PLEKHG1: variants seen among roughly 807,000 people sequenced by gnomAD.
PLEKHG1 encodes the protein pleckstrin homology domain-containing family G member 1.
A neutral mutation model predicts 100.8 loss-of-function variants in PLEKHG1; 44 were observed. The observed-to-expected ratio is 0.44, with a 90% CI of 0.34 to 0.56. The LOEUF (loss-of-function observed/expected upper bound fraction) is 0.56. Ranked by LOEUF, PLEKHG1 falls within the 20% of genes least tolerant of loss-of-function variation. The pLI, the probability that PLEKHG1 is intolerant of heterozygous loss-of-function variation, is 0.01. For synonymous variants in PLEKHG1, 640 were observed against 662.5 expected (o/e 0.97, Z 0.52); for missense variants, 1,545 against 1,720.9 (o/e 0.90, Z 1.81).
At chr6:150,696,944 C>T (rs767829820) in intron 3 of PLEKHG1, among the ~76,000 whole-genome samples, 13 of 151,966 alleles carry the variant, frequency 8.6e-5, no homozygotes, top group Non-Finnish European at 1.3e-4. Context: ...CCCATCTCTA[C>T]TAAAAATACA....
intron 1 of PLEKHG1, among the ~76,000 whole-genome samples, chr6:150,617,156 G>A (rs1777107488): frequency 6.6e-6 from 1 of 152,164 alleles, no homozygotes. Context: ...CCTGAGTTTG[G>A]AGGGTTTGTT....
intron 2 of PLEKHG1, among the ~76,000 whole-genome samples, chr6:150,646,965 T>C (rs1778528851): frequency 6.6e-6 from 1 of 152,198 alleles, no homozygotes; most frequent in African/African-American, 2.4e-5. Flanking sequence ...GGTAGCCCCT[T>C]ATATGGATTT....
chr6:150,794,723 A>G (rs886396945), intron 4 of PLEKHG1, among the ~76,000 whole-genome samples: 1 of 151,926 alleles, frequency 6.6e-6, no homozygotes, highest in Non-Finnish European at 1.5e-5. Flanking sequence ...AAGGAAAATG[A>G]TGTCTAGAAT....
At chr6:150,768,660 A>T in exon 3 of PLEKHG1, 4 of 1,611,512 alleles carry the variant, frequency 2.5e-6, no homozygotes, top group Non-Finnish European at 3.4e-6. Context: ...TGCATCAGGG[A>T]CCAAACAAAA....
Position 150,603,815 on chromosome 6 carries a change from G to A in PLEKHG1, c.-204+3798G>A, listed in dbSNP as rs552668422. Among the ~76,000 whole-genome samples, 10 of 152,276 alleles carry A rather than the reference G, an allele frequency of 6.6e-5. No homozygotes were observed. The East Asian group carries it at 9.6e-4, about 15-fold the overall frequency. On this transcript the variant is annotated intron_variant, in intron 1 of 3. Coordinates refer to the PLEKHG1 transcript ENST00000367326. ...TAAATCCTGCTGGATTCGTGGATCC[G>A]CAAATCCATAACTCTCCTCTTCTTT...
intron 2 of PLEKHG1, among the ~76,000 whole-genome samples, chr6:150,742,436 G>A (rs1782917168): frequency 2.0e-5 from 3 of 152,052 alleles, no homozygotes; most frequent in South Asian, 2.1e-4. Flanking sequence ...GTGGTGGTGT[G>A]CACCTGTAAT....
At position 150,831,669 on chromosome 6, in the gene PLEKHG1, C is replaced by T. The variant is rs143702078; in HGVS notation, c.2558C>T (p.Ala853Val). 2.1e-4 allele frequency: 342 copies of T among 1,612,974 alleles called. 2 individuals are homozygous for T. In the African/African-American group the frequency reaches 4.1e-3, roughly 19 times the overall value. Residue 853 changes from alanine (A) to valine (V), a missense_variant, in exon 15 of 16, where the codon GCC (alanine) becomes GTC (valine). Physicochemically the swap from Ala to Val is moderately conservative, Grantham distance 64 (BLOSUM62 0). Transcript: ENST00000358517. This position sits in a 1 kb window ranked among gnomAD's most constrained non-coding sequence, Gnocchi z 4.1. ...TACATCAAGAAAAATGAAGACAAGGCCAGAGACCGTCTCCTGGCAGCGTTT... is the reference window on the plus strand; with the variant it reads ...TACATCAAGAAAAATGAAGACAAGGTCAGAGACCGTCTCCTGGCAGCGTTT...
At chr6:150,830,174 C>T (rs1776836780) in intron 14 of PLEKHG1, among the ~76,000 whole-genome samples, 1 of 152,130 alleles carries the variant, frequency 6.6e-6, no homozygotes, top group African/African-American at 2.4e-5. Context: ...ACCTAGATTT[C>T]CTTACTGTGA....
exon 16 of PLEKHG1, chr6:150,840,980 C>T: frequency 2.0e-6 from 2 of 1,015,792 alleles, no homozygotes; most frequent in Non-Finnish European, 3.1e-6. Context: ...TTATGTATAC[C>T]AGATTAAAAC....
intron 2 of PLEKHG1, among the ~76,000 whole-genome samples, chr6:150,646,329 T>C (rs1778497283): frequency 2.1e-5 from 3 of 142,164 alleles, no homozygotes; most frequent in Admixed American, 6.9e-5. Context: ...TGGCCCTGAT[T>C]GGTCTGGTGT....
At chr6:150,706,212 A>G (rs1214278751) in intron 3 of PLEKHG1, among the ~76,000 whole-genome samples, 1 of 152,210 alleles carries the variant, frequency 6.6e-6, no homozygotes, top group Non-Finnish European at 1.5e-5. Context: ...CAGTACTTCC[A>G]TAAGGGTGGG....
chr6:150,636,673 A>G (rs1315726132), intron 1 of PLEKHG1, among the ~76,000 whole-genome samples: 1 of 152,112 alleles, frequency 6.6e-6, no homozygotes, highest in Non-Finnish European at 1.5e-5. Flanking sequence ...TTGGCTTCAC[A>G]TGTTTGGAGT....
chr6:150,646,161 A>G (rs1399117503), intron 2 of PLEKHG1, among the ~76,000 whole-genome samples: 2 of 152,104 alleles, frequency 1.3e-5, no homozygotes, highest in East Asian at 3.8e-4. Flanking sequence ...GTTCAAAAGC[A>G]CACAAAATTT....
At chr6:150,776,138 A>C (rs1303400703) in intron 3 of PLEKHG1, among the ~76,000 whole-genome samples, 2 of 152,228 alleles carry the variant, frequency 1.3e-5, no homozygotes, top group Admixed American at 6.5e-5. Flanking sequence ...GTTCTGTAAA[A>C]GAGAACAGTG....
chr6:150,629,942 C>A (rs1777679277), intron 1 of PLEKHG1, among the ~76,000 whole-genome samples: 1 of 151,978 alleles, frequency 6.6e-6, no homozygotes, highest in Non-Finnish European at 1.5e-5. Context: ...AAGGTTTCTA[C>A]AATTAGACAA....
intron 2 of PLEKHG1, among the ~76,000 whole-genome samples, chr6:150,646,923 A>G (rs1438235149): frequency 6.6e-6 from 1 of 152,342 alleles, no homozygotes; most frequent in Admixed American, 6.5e-5. Flanking sequence ...CATTATTACA[A>G]TTCGACACTG....
chr6:150,800,945 A>G, intron 6 of PLEKHG1, 76 bp downstream of exon 7: 2 of 1,214,834 alleles, frequency 1.6e-6, no homozygotes, highest in Non-Finnish European at 2.4e-6. Flanking sequence ...GGTGGAAAAT[A>G]CCAGAAAATG....
chr6:150,784,960 C>T (rs1382067746), intron 3 of PLEKHG1, among the ~76,000 whole-genome samples: 1 of 151,460 alleles, frequency 6.6e-6, no homozygotes, highest in African/African-American at 2.4e-5. Flanking sequence ...TCACACTACC[C>T]AGCGCTTCAG....
chr6:150,826,325 G>A (rs1456430481), intron 14 of PLEKHG1, among the ~76,000 whole-genome samples: 3 of 151,952 alleles, frequency 2.0e-5, no homozygotes, highest in Admixed American at 6.6e-5. Context: ...GGGCATAGCG[G>A]CATGCACCTG....
Sources: allele counts gnomAD v4.1 joint callset (sites outside exome capture counted in the v4.1 genomes callset), GRCh38; gene constraint gnomAD v4.1.1; non-coding constraint Gnocchi (gnomAD v3.1); transcripts MANE v1.5; gene names NCBI Gene and HGNC (gene_info 2026-07-23, HGNC 2026-07-21).